The following THBS4 variants were observed in gnomAD, a reference collection of about 807,000 sequenced individuals.
THBS4 encodes thrombospondin-4.
THBS4 carries 90 observed loss-of-function variants against 115.7 expected under a neutral mutation model. That is an observed-to-expected ratio of 0.78 (90% CI 0.66 to 0.93). The LOEUF (loss-of-function observed/expected upper bound fraction) is 0.93. Ranked by LOEUF, THBS4 falls within the 40% of genes least tolerant of loss-of-function variation. The pLI, the probability that THBS4 is intolerant of heterozygous loss-of-function variation, is 0.00. For synonymous variants in THBS4, 460 were observed against 479.3 expected (o/e 0.96, Z 0.53); for missense variants, 1,087 against 1,232.7 (o/e 0.88, Z 1.77).
intron 2 of THBS4, among the ~76,000 whole-genome samples, chr5:80,029,145 G>A (rs1832537399): frequency 6.6e-6 from 1 of 152,126 alleles, no homozygotes; most frequent in African/African-American, 2.4e-5. Flanking sequence ...CAGCTACTTG[G>A]GAGGCTGAGG....
chr5:80,064,567 A>G (rs1419005525), intron 8 of THBS4, among the ~76,000 whole-genome samples: 1 of 152,212 alleles, frequency 6.6e-6, no homozygotes, highest in Non-Finnish European at 1.5e-5. Flanking sequence ...CCTACAAAAA[A>G]TACACACAAA....
At chr5:80,016,099 C>T (rs1464507949) in intron 2 of THBS4, among the ~76,000 whole-genome samples, 2 of 152,214 alleles carry the variant, frequency 1.3e-5, no homozygotes, top group African/African-American at 4.8e-5. Context: ...TACTGCCAGA[C>T]TTTGCCTCAC....
chr5:80,015,202 G>T (rs557254435), intron 2 of THBS4, among the ~76,000 whole-genome samples: 1 of 152,186 alleles, frequency 6.6e-6, no homozygotes, highest in African/African-American at 2.4e-5. Flanking sequence ...TCCTTTTGGC[G>T]TTGAAATAAA....
At chr5:80,079,281 C>T in intron 19 of THBS4, 23 bp downstream of exon 19, 3 of 1,572,500 alleles carry the variant, frequency 1.9e-6, no homozygotes, top group Non-Finnish European at 2.6e-6. Context: ...TGAAGTCATT[C>T]ATCTCCCTTT....
rs747037507 is a variant in THBS4 at position 80,072,325 on chromosome 5, C to T, written c.1768C>T (p.Gln590Ter). 6 of 1,613,996 alleles carry T rather than the reference C, an allele frequency of 3.7e-6. No individual in the cohort carries two copies. The Admixed American group carries it at 8.3e-5, about 22-fold the overall frequency. ...DNCPKFPNRDQRDKDGDGVGD... is the reference protein window; with the variant it reads ...DNCPKFPNRD ...CTGCCCAAAATTTCCCAATCGTGAC[C>T]AACGGGACAAGGATGGTGATGGTGT... The change falls in exon 14 of 22, where the codon CAA (glutamine) becomes TAA (stop). Residue 590 changes from glutamine to a stop codon, truncating the protein, a stop_gained. Transcript: ENST00000350881. LOFTEE classifies it high-confidence loss of function.
chr5:80,045,427 T>A (rs2112048844), intron 2 of THBS4, among the ~76,000 whole-genome samples: 1 of 151,792 alleles, frequency 6.6e-6, no homozygotes, highest in South Asian at 2.1e-4. Flanking sequence ...TAAAGAGAAA[T>A]ATAGATTAAG....
At chr5:80,009,136 G>A (rs1832073037) in intron 2 of THBS4, among the ~76,000 whole-genome samples, 1 of 152,160 alleles carries the variant, frequency 6.6e-6, no homozygotes, top group African/African-American at 2.4e-5. Flanking sequence ...CACGGCTCAG[G>A]TTCCCAATAT....
At position 80,072,338 on chromosome 5, in the gene THBS4, A is replaced by G. The variant is rs1383195476; in HGVS notation, c.1781A>G (p.Asp594Gly). 1.9e-6 allele frequency: 3 copies of G among 1,614,078 alleles called. No individual in the cohort carries two copies. Among genetic ancestry groups the G allele is most frequent in the African/African-American group, 2.7e-5 (2 of 74,926 alleles). The change falls in exon 14 of 22, where the codon GAT becomes GGT. Residue 594 changes from aspartate to glycine, a missense_variant. By Grantham distance (94) the Asp-to-Gly change is moderately conservative. This residue lies in a region of THBS4 where 979 missense variants were observed against 1,103.7 expected (regional missense o/e 0.89). Transcript: ENST00000350881. ...CCCAATCGTGACCAACGGGACAAGG[A>G]TGGTGATGGTGTGGGGGATGCCTGT... ...KFPNRDQRDK[D>G]GDGVGDACDS...
At chr5:80,050,281 C>T (rs552717415) in intron 2 of THBS4, among the ~76,000 whole-genome samples, 3 of 152,192 alleles carry the variant, frequency 2.0e-5, no homozygotes, top group Non-Finnish European at 4.4e-5. Context: ...TTTATTATTA[C>T]TCAAATCAGT....
chr5:80,068,409 C>T (rs1289683282), intron 10 of THBS4: 1 of 365,794 alleles, frequency 2.7e-6, no homozygotes, highest in African/African-American at 2.1e-5. Flanking sequence ...CTCCCAAGCA[C>T]CTTCTATGGA....
At chr5:80,025,722 C>G (rs1832462861) in intron 2 of THBS4, among the ~76,000 whole-genome samples, 1 of 152,174 alleles carries the variant, frequency 6.6e-6, no homozygotes, top group African/African-American at 2.4e-5. Flanking sequence ...CCTTGAGGGA[C>G]CCTTTGTCGC....
At chr5:80,042,896 G>T (rs1832949321) in intron 2 of THBS4, among the ~76,000 whole-genome samples, 1 of 152,054 alleles carries the variant, frequency 6.6e-6, no homozygotes, top group African/African-American at 2.4e-5. Flanking sequence ...AACCCAGGAG[G>T]CAGAGGTTGC....
At chr5:80,072,631 C>A (rs554671558) in intron 14 of THBS4, 1 of 512,372 alleles carries the variant, frequency 2.0e-6, no homozygotes, top group East Asian at 3.1e-5. Flanking sequence ...AGGTTAGTAA[C>A]ACGAACTTCA....
chr5:80,070,616 C>T, intron 11 of THBS4, 27 bp from the exon 12 acceptor site: 1 of 1,596,176 alleles, frequency 6.3e-7, no homozygotes, highest in Non-Finnish European at 8.6e-7. Context: ...TGTAGGATGT[C>T]ACTCGGAACT....
At chr5:80,077,768 TAAG>T (rs1290068666) in intron 16 of THBS4, among the ~76,000 whole-genome samples, 1 of 152,198 alleles carries the variant, frequency 6.6e-6, no homozygotes, top group Non-Finnish European at 1.5e-5. Context: ...CTGTAGGTAA[TAAG>T]AACTTCTTGA....
chr5:80,035,583 C>T lies in THBS4; in HGVS notation c.46C>T (p.Leu16=), dbSNP rs1455597535. 1 of 1,441,994 alleles carries T rather than the reference C, an allele frequency of 6.9e-7. No individual in the cohort carries two copies. Among genetic ancestry groups the T allele is most frequent in the Admixed American group, 2.4e-5 (1 of 41,296 alleles). 89.3% of individuals were successfully genotyped at this position (1,441,994 alleles called of 1,614,324 possible). Residue 16 remains leucine (L), a synonymous_variant, in exon 1 of 22, where the codon CTG becomes TTG. Coordinates refer to ENST00000350881, the MANE Select transcript of THBS4 (RefSeq NM_003248.6). This position sits in a 1 kb window ranked among gnomAD's most constrained non-coding sequence, Gnocchi z 4.6. ...CGCCGTCCTCCTGCTGCACCTGGTC[C>T]TGCAGCGGTGGCTAGCGGCAGGCGC... The part of the protein sequence containing the change: ...GAAVLLLHLV[L]QRWLAAGAQA...
chr5:80,082,887 G>A (rs867198341), intron 21 of THBS4, among the ~76,000 whole-genome samples, 193 bp from the exon 22 acceptor site: 10 of 152,232 alleles, frequency 6.6e-5, no homozygotes, highest in African/African-American at 9.6e-5. Flanking sequence ...CTGCACGGCC[G>A]GGAAGGAGCA....
Position 80,058,270 on chromosome 5 carries a change from A to G in THBS4, c.605A>G (p.Asp202Gly). 1 of 1,575,954 alleles carries G rather than the reference A, an allele frequency of 6.3e-7. No individual in the cohort carries two copies. Residue 202 changes from aspartate to glycine, a missense_variant, in exon 4 of 22, where the codon GAC (aspartate) becomes GGC (glycine). Asp to Gly is a moderately conservative substitution (Grantham distance 94). Around this residue, in one of 3 missense-constraint regions of THBS4, gnomAD observed 979 missense variants for 1,103.7 expected, o/e 0.89. Transcript: ENST00000350881. ...CTGTTCCAGGTGGCCAGCCTGCAAG[A>G]CTGCTTCCTGCAGCAGAGTGAGCCA... The part of the protein sequence containing the change: ...GSLFQVASLQ[D>G]CFLQQSEPLA...
At chr5:79,994,430 T>C (rs1831748482) in intron 1 of THBS4, among the ~76,000 whole-genome samples, 1 of 150,888 alleles carries the variant, frequency 6.6e-6, no homozygotes, top group South Asian at 2.1e-4. Flanking sequence ...AATGCCATGA[T>C]ATTATTGTTA....
Sources: allele counts gnomAD v4.1 joint callset (sites outside exome capture counted in the v4.1 genomes callset), GRCh38; gene constraint gnomAD v4.1.1; regional missense constraint gnomAD v4.1.1; non-coding constraint Gnocchi (gnomAD v3.1); transcripts MANE v1.5; gene names NCBI Gene and HGNC (gene_info 2026-07-23, HGNC 2026-07-21).